Variants in KCNK9 observed in about 807,000 individuals in gnomAD.
The protein encoded by KCNK9 is potassium channel subfamily K member 9.
A neutral mutation model predicts 10.8 loss-of-function variants in KCNK9; 1 was observed. The ratio of observed to expected loss-of-function variants is 0.09; its 90% CI spans 0.03 to 0.44. KCNK9 has a LOEUF of 0.44. Ranked by LOEUF, KCNK9 falls within the 20% of genes least tolerant of loss-of-function variation. KCNK9 has a pLI of 0.97. For synonymous variants in KCNK9, 231 were observed against 222.7 expected (o/e 1.04, Z -0.33); for missense variants, 303 against 515.0 (o/e 0.59, Z 3.98).
chr8:139,686,416 A>G (rs1167289236), intron 1 of KCNK9, among the ~76,000 whole-genome samples: 2 of 152,228 alleles, frequency 1.3e-5, no homozygotes, highest in Non-Finnish European at 2.9e-5. Context: ...CAAATTTACA[A>G]GAAAAAAACA....
intron 1 of KCNK9, among the ~76,000 whole-genome samples, chr8:139,674,334 C>T (rs539222043): frequency 6.6e-5 from 10 of 152,360 alleles, no homozygotes; most frequent in Admixed American, 4.6e-4. Context: ...TCCCCAGAAC[C>T]GGGCCCTGCC....
chr8:139,608,693 C>G (rs181427970), downstream of KCNK9, among the ~76,000 whole-genome samples: 1 of 152,166 alleles, frequency 6.6e-6, no homozygotes, highest in African/African-American at 2.4e-5. Context: ...TACTGCACGC[C>G]GTACCCAGCT....
At chr8:139,648,931 T>G (rs960743526) in intron 1 of KCNK9, among the ~76,000 whole-genome samples, 2 of 152,216 alleles carry the variant, frequency 1.3e-5, no homozygotes, top group Non-Finnish European at 2.9e-5. Context: ...GTAATCATCT[T>G]AGCATACAAA....
intron 1 of KCNK9, among the ~76,000 whole-genome samples, chr8:139,687,326 A>G (rs1362278326): frequency 6.8e-6 from 1 of 148,106 alleles, no homozygotes; most frequent in Non-Finnish European, 1.5e-5. Flanking sequence ...AGTTTTCACT[A>G]TGTAGATTTT....
At chr8:139,700,889 C>T (rs1586702701) in intron 1 of KCNK9, among the ~76,000 whole-genome samples, 1 of 152,302 alleles carries the variant, frequency 6.6e-6, no homozygotes, top group South Asian at 2.1e-4. Flanking sequence ...CCAATCCTCT[C>T]CTCGATGTTG....
rs10571858 is a variant in KCNK9 at position 139,641,630 on chromosome 8, G to GC, written c.284-22532dup. Among the ~76,000 whole-genome samples the GC allele has an allele frequency of 7.1e-3, 1,079 of 151,570 alleles. 7 individuals are homozygous for GC. The highest frequency in any genetic ancestry group is 0.024 in the African/African-American group (973 of 41,240). ...CCGCTCTGCCCCAGCGCTCTGGCCT[G>GC]CCCCCCCCCCGCACTTTCTGCTACA... On this transcript the variant is annotated intron_variant, in intron 1 of 1. Coordinates refer to ENST00000520439, the MANE Select transcript of KCNK9 (RefSeq NM_001282534.2).
Position 139,637,221 on chromosome 8 carries a change from TGA to T in KCNK9, c.284-18124_284-18123del, listed in dbSNP as rs1815364342. ...GGAAGGGAAGGTGAAGACAGAATCA[TGA>T]CCTGCATGTCGGAGTGCTGACCGCA... On this transcript the variant is annotated intron_variant, in intron 1 of 1. Transcript: ENST00000520439. 3.3e-5 allele frequency among the ~76,000 whole-genome samples: 5 copies of T among 152,214 alleles called. No individual in the cohort carries two copies. The South Asian group carries it at 1.0e-3, about 31-fold the overall frequency.
At position 139,623,267 on chromosome 8, in the gene KCNK9, A is replaced by AT. The variant is rs1563720389; in HGVS notation, c.284-4169dup. On this transcript the variant is annotated intron_variant, in intron 1 of 1. Transcript: ENST00000520439. Reference sequence around the variant, plus strand: ...GTGACAGCTCAAGTCCTGAGAAACCATTTTTTTCCCATCTGCAAATGAACA... The same window carrying AT: ...GTGACAGCTCAAGTCCTGAGAAACCATTTTTTTTCCCATCTGCAAATGAACA... Among the ~76,000 whole-genome samples, 5 of 152,186 alleles carry AT rather than the reference A, an allele frequency of 3.3e-5. No individual in the cohort carries two copies. The South Asian group carries it at 6.2e-4, about 19-fold the overall frequency.
rs1341666579 is a variant in KCNK9 at position 139,653,294 on chromosome 8, C to T, written c.284-34195G>A. ...ATAGAAAATGTTATGAATATATTTA[C>T]ACACACTTGGCTTTATCATAACATA... is the stretch of plus-strand genomic sequence containing the variant. On this transcript the variant is annotated intron_variant, in intron 1 of 1. Coordinates refer to ENST00000520439, the MANE Select transcript of KCNK9 (RefSeq NM_001282534.2). Among the ~76,000 whole-genome samples the T allele has an allele frequency of 3.3e-5, 5 of 152,146 alleles. No homozygotes were observed. In the East Asian group the frequency reaches 5.8e-4, roughly 18 times the overall value.
intron 1 of KCNK9, among the ~76,000 whole-genome samples, chr8:139,622,794 A>C (rs964139075): frequency 6.6e-6 from 1 of 152,210 alleles, no homozygotes; most frequent in Non-Finnish European, 1.5e-5. Context: ...GCCTGCGAAT[A>C]TTAAGTCCAC....
intron 1 of KCNK9, among the ~76,000 whole-genome samples, chr8:139,689,196 G>GA (rs1020698637): frequency 6.6e-6 from 1 of 152,056 alleles, no homozygotes. Context: ...AGAACTGTGA[G>GA]AAAAAAAGTA....
intron 1 of KCNK9, among the ~76,000 whole-genome samples, chr8:139,672,252 G>A (rs560940656): frequency 4.9e-4 from 74 of 152,334 alleles, no homozygotes; most frequent in African/African-American, 1.7e-3. Context: ...CCCAGAGGCA[G>A]GAGCAGGACC....
chr8:139,605,010 G>C (rs527868170), intron 2 of KCNK9, among the ~76,000 whole-genome samples: 1 of 152,204 alleles, frequency 6.6e-6, no homozygotes, highest in South Asian at 2.1e-4. Context: ...CTAAGGGCAC[G>C]ACCCAGAAAC....
At chr8:139,640,218 C>T (rs73724477) in intron 1 of KCNK9, among the ~76,000 whole-genome samples, 485 of 152,336 alleles carry the variant, frequency 3.2e-3, no homozygotes, top group African/African-American at 0.011. Flanking sequence ...GTGATGCATG[C>T]GACCTTCCCA....
chr8:139,610,131 G>A (rs757120126), downstream of KCNK9, among the ~76,000 whole-genome samples: 31 of 152,114 alleles, frequency 2.0e-4, no homozygotes, highest in Non-Finnish European at 3.5e-4. Context: ...ATATTTCTAA[G>A]TCCTGATGGG....
intron 1 of KCNK9, among the ~76,000 whole-genome samples, chr8:139,624,137 C>G (rs75258817): frequency 5.3e-5 from 8 of 152,194 alleles, no homozygotes; most frequent in African/African-American, 1.4e-4. Context: ...ACACAAGGGA[C>G]GCAGCCAGCC....
intron 1 of KCNK9, among the ~76,000 whole-genome samples, chr8:139,680,934 C>G (rs571114494): frequency 6.6e-6 from 1 of 152,298 alleles, no homozygotes; most frequent in Non-Finnish European, 1.5e-5. Flanking sequence ...ACCCCAGCCT[C>G]CTATCAGCCC....
intron 1 of KCNK9, among the ~76,000 whole-genome samples, chr8:139,638,408 A>C (rs1446154151): frequency 6.6e-6 from 1 of 152,204 alleles, no homozygotes; most frequent in Non-Finnish European, 1.5e-5. Context: ...TATATGAATG[A>C]ACAGGAGCTA....
Position 139,618,685 on chromosome 8 carries a change from G to T in KCNK9, c.698C>A (p.Thr233Lys). 1 of 1,614,176 alleles carries T rather than the reference G, an allele frequency of 6.2e-7. No individual in the cohort carries two copies. The highest frequency in any genetic ancestry group is 8.5e-7 in the Non-Finnish European group (1 of 1,180,036). ...CAGGTTGAGGAAGGCCCCGATGACC[G>T]TCAGCCCCACCAGGATATACATAAA... ...FSFMYILVGLTVIGAFLNLVV... is the reference protein window; with the variant it reads ...FSFMYILVGLKVIGAFLNLVV... The change falls in exon 2 of 2, where the codon ACG becomes AAG. Residue 233 changes from threonine (T) to lysine (K), a missense_variant. Thr to Lys is a moderately conservative substitution (Grantham distance 78). Around this residue, in one of 5 missense-constraint regions of KCNK9, gnomAD observed 53 missense variants for 134.9 expected, o/e 0.39. Transcript: ENST00000520439. The surrounding 1 kb of genome is among the most constrained non-coding windows in gnomAD (Gnocchi z 7.9).
Sources: gnomAD v4.1 joint callset for allele counts (sites outside exome capture counted in the v4.1 genomes callset) on GRCh38, gnomAD v4.1.1 for gene constraint, gnomAD v4.1.1 regional missense constraint, Gnocchi (gnomAD v3.1) non-coding constraint, MANE v1.5 for transcripts, NCBI Gene and HGNC (gene_info 2026-07-23, HGNC 2026-07-21) for gene names.